The following RADIL variants were observed in gnomAD, a reference collection of about 807,000 sequenced individuals.
RADIL encodes Rap associating with DIL domain.
Under a neutral mutation model 97.6 loss-of-function variants are expected in RADIL, and 99 were observed. The ratio of observed to expected loss-of-function variants is 1.01; its 90% CI spans 0.86 to 1.20. The LOEUF (loss-of-function observed/expected upper bound fraction) is 1.20. RADIL is among the 50% of genes most tolerant of loss of function. RADIL has a pLI of 0.00. For synonymous variants in RADIL, 803 were observed against 691.8 expected (o/e 1.16, Z -2.52); for missense variants, 1,765 against 1,498.9 (o/e 1.18, Z -2.93).
intron 2 of RADIL, chr7:4,859,834 C>T (rs1583314181): frequency 1.9e-6 from 2 of 1,028,474 alleles, no homozygotes; most frequent in African/African-American, 1.6e-5. Flanking sequence ...AGTTTCTCCT[C>T]TTCCGTTTTG....
intron 2 of RADIL, among the ~76,000 whole-genome samples, chr7:4,844,521 C>T (rs1039639118): frequency 9.9e-5 from 15 of 152,134 alleles, no homozygotes; most frequent in Non-Finnish European, 1.9e-4. Flanking sequence ...GTAGGAAATG[C>T]AAAAGAATCT....
intron 11 of RADIL, among the ~76,000 whole-genome samples, 195 bp downstream of exon 11, chr7:4,803,351 G>A (rs1167777695): frequency 9.3e-6 from 1 of 107,712 alleles, no homozygotes; most frequent in Non-Finnish European, 1.8e-5. Flanking sequence ...TCCCCTCCCC[G>A]GGCACCTCGG....
At position 4,854,657 on chromosome 7, in the gene RADIL, G is replaced by A. The variant is rs990058779; in HGVS notation, c.536-18052C>T. ...TGCAGTGAGCCGAGATGGCGCCACC[G>A]CACTCCACCCTGGGCGACAGAGCGA... On this transcript the variant is annotated intron_variant, in intron 2 of 14. Coordinates refer to ENST00000399583, the MANE Select transcript of RADIL (RefSeq NM_018059.5). This position sits in a 1 kb window ranked among gnomAD's most constrained non-coding sequence, Gnocchi z 5.1. 2.0e-5 allele frequency among the ~76,000 whole-genome samples: 3 copies of A among 152,130 alleles called. No homozygotes were observed. Among genetic ancestry groups the A allele is most frequent in the Non-Finnish European group, 4.4e-5 (3 of 68,022 alleles).
Position 4,840,687 on chromosome 7 carries a change from G to A in RADIL, c.536-4082C>T, listed in dbSNP as rs997507133. ...ACATCATCAAGAAACCACTATTTCT[G>A]GCCGGGCGCGGTGGCTCACGCCTGT... On this transcript the variant is annotated intron_variant, in intron 2 of 14. Coordinates refer to ENST00000399583, the MANE Select transcript of RADIL (RefSeq NM_018059.5). This position sits in a 1 kb window ranked among gnomAD's most constrained non-coding sequence, Gnocchi z 5.6. 1.3e-5 allele frequency among the ~76,000 whole-genome samples: 2 copies of A among 152,174 alleles called. No individual in the cohort carries two copies. The highest frequency in any genetic ancestry group is 4.8e-5 in the African/African-American group (2 of 41,442).
intron 5 of RADIL, among the ~76,000 whole-genome samples, chr7:4,831,577 CA>C (rs397889423): frequency 0.31 from 24,097 of 77,768 alleles, 1,685 homozygotes; most frequent in South Asian, 0.48. Context: ...TGAAGATTCT[CA>C]AAAAAAAAAA....
chr7:4,834,933 G>A lies in RADIL; in HGVS notation c.1090C>T (p.Leu364=), dbSNP rs1319084770. 1 of 1,587,548 alleles carries A rather than the reference G, an allele frequency of 6.3e-7. No individual in the cohort carries two copies. Among genetic ancestry groups the A allele is most frequent in the East Asian group, 2.3e-5 (1 of 44,294 alleles). The part of the protein sequence containing the change: ...LFKDPAQAQP[L]PARALARLRA... ...AGGCGCGCCAAGGCCCGGGCGGGCA[G>A]GGGCTGGGCCTGCGCGGGGTCCTTG... Residue 364 remains leucine, a synonymous_variant, in exon 4 of 15, where the codon CTG becomes TTG. Coordinates refer to ENST00000399583, the MANE Select transcript of RADIL (RefSeq NM_018059.5). This position sits in a 1 kb window ranked among gnomAD's most constrained non-coding sequence, Gnocchi z 6.0.
intron 9 of RADIL, among the ~76,000 whole-genome samples, chr7:4,810,561 T>C (rs1270223332): frequency 2.6e-5 from 4 of 152,186 alleles, no homozygotes; most frequent in Admixed American, 6.5e-5. Context: ...ATAAATAGAA[T>C]ATGGGTTTTT....
At chr7:4,853,439 T>C (rs1783755201) in intron 2 of RADIL, among the ~76,000 whole-genome samples, 2 of 152,114 alleles carry the variant, frequency 1.3e-5, no homozygotes, top group Non-Finnish European at 2.9e-5. Flanking sequence ...GTGCCACTGC[T>C]GACTTTAAGA....
intron 13 of RADIL, 42 bp downstream of exon 13, chr7:4,800,129 G>GCTTGCATGAACAGGCGGGGC: frequency 2.5e-6 from 4 of 1,576,458 alleles, no homozygotes; most frequent in South Asian, 1.2e-5. Flanking sequence ...GCGGGGCCAG[G>GCTTGCATGAACAGGCGGGGC]CAGCCAGTAT....
intron 2 of RADIL, among the ~76,000 whole-genome samples, chr7:4,844,460 AAAAG>A (rs1342124963): frequency 2.0e-5 from 3 of 152,176 alleles, no homozygotes; most frequent in African/African-American, 4.8e-5. Flanking sequence ...ACAAGAAAAG[AAAAG>A]AAAGAAGTTC....
At position 4,805,937 on chromosome 7, in the gene RADIL, G is replaced by A. The variant is rs138279939; in HGVS notation, c.2140-221C>T. On this transcript the variant is annotated intron_variant, in intron 9 of 14. Coordinates refer to ENST00000399583, the MANE Select transcript of RADIL (RefSeq NM_018059.5). ...CAGGGAGAGGCCGGCCAGTGCCATC[G>A]GGAACCCCCTGCCCAGGGAACCCAC... 2.5e-4 allele frequency: 249 copies of A among 985,402 alleles called. No individual in the cohort carries two copies. The African/African-American group carries it at 3.7e-3, about 15-fold the overall frequency. 61.0% of individuals were successfully genotyped at this position (985,402 alleles called of 1,614,324 possible). A position where few individuals can be genotyped will look rare whatever the true frequency, so the allele number is the denominator to read the frequency against.
chr7:4,808,646 G>T (rs1562430178), intron 9 of RADIL: 8 of 952,048 alleles, frequency 8.4e-6, no homozygotes, highest in Non-Finnish European at 1.0e-5. Context: ...TCCTTCCAAC[G>T]CCACTGCCCC....
intron 2 of RADIL, among the ~76,000 whole-genome samples, chr7:4,845,901 C>G (rs964690453): frequency 7.9e-5 from 12 of 152,108 alleles, no homozygotes; most frequent in Admixed American, 3.9e-4. Context: ...GTGGCGTAAC[C>G]GAGAACTTCC....
rs1336687472 is a variant in RADIL at position 4,867,838 on chromosome 7, A to T, written c.535+9767T>A. 6.6e-6 allele frequency among the ~76,000 whole-genome samples: 1 copy of T among 152,172 alleles called. No individual in the cohort carries two copies. Among genetic ancestry groups the T allele is most frequent in the Non-Finnish European group, 1.5e-5 (1 of 68,032 alleles). ...GTTCCCAAGGACAATGACAATGAAA[A>T]AAGAAAATGATCCTATCCATCCACC... is the stretch of plus-strand genomic sequence containing the variant. On this transcript the variant is annotated intron_variant, in intron 2 of 14. Transcript: ENST00000399583. This position sits in a 1 kb window ranked among gnomAD's most constrained non-coding sequence, Gnocchi z 4.1.
intron 2 of RADIL, among the ~76,000 whole-genome samples, chr7:4,874,063 G>A (rs1784313615): frequency 6.6e-6 from 1 of 152,220 alleles, no homozygotes; most frequent in Non-Finnish European, 1.5e-5. Flanking sequence ...TGCCCTCCCC[G>A]TTCCGTGCCT....
At chr7:4,802,916 T>C (rs13235743) in intron 11 of RADIL, among the ~76,000 whole-genome samples, 50 of 85,276 alleles carry the variant, frequency 5.9e-4, no homozygotes, top group South Asian at 1.4e-3. Context: ...CCTCGGGGAA[T>C]GCTGGCTGGG....
intron 2 of RADIL, among the ~76,000 whole-genome samples, chr7:4,870,219 C>A (rs899753229): frequency 6.6e-6 from 1 of 152,206 alleles, no homozygotes; most frequent in Non-Finnish European, 1.5e-5. Flanking sequence ...GGAAGGGGCG[C>A]AGGGCGAGCT....
At chr7:4,799,523 C>T in intron 14 of RADIL, 40 bp from the exon 15 acceptor site, 3 of 1,613,304 alleles carry the variant, frequency 1.9e-6, no homozygotes, top group Non-Finnish European at 2.5e-6. Context: ...CAGGAGGGCA[C>T]CAGGGGAGAC....
chr7:4,798,635 A>T lies in RADIL; in HGVS notation c.*743T>A, dbSNP rs1226376671. The T allele has an allele frequency of 6.6e-6, 1 of 152,448 alleles. No homozygotes were observed. Among genetic ancestry groups the T allele is most frequent in the Non-Finnish European group, 1.5e-5 (1 of 68,116 alleles). 9.4% of individuals were successfully genotyped at this position (152,448 alleles called of 1,614,324 possible). A position where few individuals can be genotyped will look rare whatever the true frequency, so the allele number is the denominator to read the frequency against. ...CCTGCCCGGGTTAGGGCCGGTGGCC[A>T]GGGGGACGCTGGTGAGGATTAAGGG... On this transcript the variant is annotated 3_prime_UTR_variant, in exon 15 of 15. Coordinates refer to ENST00000399583, the MANE Select transcript of RADIL (RefSeq NM_018059.5).
Sources: gnomAD v4.1 joint callset for allele counts (sites outside exome capture counted in the v4.1 genomes callset) on GRCh38, gnomAD v4.1.1 for gene constraint, Gnocchi (gnomAD v3.1) non-coding constraint, MANE v1.5 for transcripts, NCBI Gene and HGNC (gene_info 2026-07-23, HGNC 2026-07-21) for gene names.